MYO16: variants seen among roughly 807,000 people sequenced by gnomAD.
MYO16 encodes the protein unconventional myosin-XVI.
In MYO16, 94 loss-of-function variants were observed where a neutral mutation model predicts 205.3. The ratio of observed to expected loss-of-function variants is 0.46; its 90% CI spans 0.39 to 0.54. MYO16 has a LOEUF of 0.54. Among genes scored for constraint, MYO16 ranks in the 20% least tolerant of loss-of-function variants. The pLI is 0.00. For missense variants in MYO16, 2,315 were observed against 2,387.5 expected, an observed-to-expected ratio of 0.97 and a Z score of 0.63; for synonymous variants, 988 against 954.0, an observed-to-expected ratio of 1.04 and a Z score of -0.66.
intron 3 of MYO16, among the ~76,000 whole-genome samples, chr13:108,726,573 GAA>G (rs1884347615): frequency 2.0e-5 from 1 of 49,710 alleles, no homozygotes; most frequent in Admixed American, 1.9e-4. Flanking sequence ...AAAAAAAAAA[GAA>G]AAAGAAAAAG....
chr13:108,838,392 C>T (rs373940850), intron 9 of MYO16, among the ~76,000 whole-genome samples: 102 of 151,884 alleles, frequency 6.7e-4, no homozygotes, highest in Non-Finnish European at 1.1e-3. Context: ...CGGTGGCTTA[C>T]GCCTGTAATC....
intron 5 of MYO16, among the ~76,000 whole-genome samples, chr13:108,787,058 T>C (rs1190879801): frequency 6.6e-6 from 1 of 152,244 alleles, no homozygotes; most frequent in Non-Finnish European, 1.5e-5. Flanking sequence ...ATGAAAAACT[T>C]GGCGCAATGG....
In MYO16 at chr13:109,125,320, G is replaced by T. The variant is rs755547683; in HGVS notation, c.3744G>T (p.Lys1248Asn). Residue 1248 changes from lysine (K) to asparagine (N), a missense_variant, in exon 30 of 35, where the codon AAG becomes AAT. Physicochemically the swap from Lys to Asn is moderately conservative, Grantham distance 94. Transcript: ENST00000457511. The surrounding 1 kb of genome is among the most constrained non-coding windows in gnomAD (Gnocchi z 4.0). ...TGAACGCTCCCTACCATAAAGAGAA[G>T]TTAGAGGTCAGGAACATGCAAGAGG... is the stretch of plus-strand genomic sequence containing the variant. ...SEMNAPYHKE[K>N]LEVRNMQEEG... 1.5e-5 allele frequency: 25 copies of T among 1,614,042 alleles called. 1 individual carries two copies. In the South Asian group the frequency reaches 2.6e-4, roughly 17 times the overall value.
At chr13:108,593,040 G>T (rs376753490), upstream of MYO16, among the ~76,000 whole-genome samples, 62 of 152,260 alleles carry the variant, frequency 4.1e-4, no homozygotes, top group African/African-American at 1.4e-3. Context: ...GCAGGTGGAA[G>T]CACCTCGCTG....
intron 11 of MYO16, among the ~76,000 whole-genome samples, chr13:108,860,758 C>G (rs1878412719): frequency 6.6e-6 from 1 of 152,172 alleles, no homozygotes; most frequent in Non-Finnish European, 1.5e-5. Flanking sequence ...AAGAGTGAAG[C>G]TAGACCCCTT....
the MYO16 span, among the ~76,000 whole-genome samples, chr13:108,583,744 C>T: frequency 6.6e-6 from 1 of 152,056 alleles, no homozygotes; most frequent in Non-Finnish European, 1.5e-5. Context: ...CTGATTGTGG[C>T]ACAAGGTAGA....
At chr13:108,660,269 C>T (rs1031296648) in intron 1 of MYO16, among the ~76,000 whole-genome samples, 12 of 152,108 alleles carry the variant, frequency 7.9e-5, no homozygotes, top group Non-Finnish European at 4.4e-5. Flanking sequence ...ATCTGTTGAC[C>T]AGTCTTTAGC....
chr13:109,030,895 A>G (rs1015784708), intron 23 of MYO16, among the ~76,000 whole-genome samples: 1 of 152,132 alleles, frequency 6.6e-6, no homozygotes, highest in African/African-American at 2.4e-5. Flanking sequence ...TGGCAAAACC[A>G]GACACCCAAT....
intron 1 of MYO16, among the ~76,000 whole-genome samples, chr13:108,606,134 G>T (rs1878949186): frequency 6.6e-6 from 1 of 152,192 alleles, no homozygotes; most frequent in South Asian, 2.1e-4. Context: ...GTTTAAAAGG[G>T]AAGCAGAGCA....
At position 108,883,094 on chromosome 13, in the gene MYO16, G is replaced by A. The variant is rs1348405337; in HGVS notation, c.1461G>A (p.Leu487=). Residue 487 remains leucine (L), a synonymous_variant, in exon 13 of 35, where the codon CTG becomes CTA. Coordinates refer to ENST00000457511, the MANE Select transcript of MYO16 (RefSeq NM_001198950.3). ...SQLYFSSSGK[L]CSSLPPHLFS... The stretch of plus-strand genomic sequence containing the variant: ...TGTATTTCAGCTCCTCAGGGAAGCT[G>A]TGTTCCTCGCTGCCTCCTCACCTCT... 3.1e-6 allele frequency: 5 copies of A among 1,613,998 alleles called. No homozygotes were observed. The African/African-American group carries it at 6.7e-5, about 22-fold the overall frequency.
intron 34 of MYO16, among the ~76,000 whole-genome samples, chr13:109,199,519 A>C (rs1880321990): frequency 6.6e-6 from 1 of 152,174 alleles, no homozygotes; most frequent in South Asian, 2.1e-4. Context: ...TAAGTGACTC[A>C]TTATCTGAAG....
chr13:108,735,161 C>T (rs1478255759), intron 4 of MYO16, among the ~76,000 whole-genome samples: 3 of 151,862 alleles, frequency 2.0e-5, no homozygotes, highest in Non-Finnish European at 4.4e-5. Context: ...TGTGCACAAC[C>T]TGCAGGTTTG....
At chr13:109,029,138 G>T (rs277824) in intron 23 of MYO16, among the ~76,000 whole-genome samples, 2,044 of 86,252 alleles carry the variant, frequency 0.024, 61 homozygotes, top group African/African-American at 0.079. Context: ...TTTTGAGATG[G>T]AGTTTTGCTC....
intron 15 of MYO16, among the ~76,000 whole-genome samples, chr13:108,903,772 A>G (rs796733924): frequency 6.6e-6 from 1 of 152,178 alleles, no homozygotes; most frequent in African/African-American, 2.4e-5. Context: ...TAACTACTTA[A>G]CATACATTTT....
At chr13:108,550,121 G>A in the MYO16 span, among the ~76,000 whole-genome samples, 4 of 152,252 alleles carry the variant, frequency 2.6e-5, no homozygotes, top group African/African-American at 9.6e-5. Flanking sequence ...TGAAGCATCT[G>A]AGCAATGCAG....
chr13:109,127,565 G>A lies in MYO16; in HGVS notation c.4051+15G>A. 1 of 1,605,104 alleles carries A rather than the reference G, an allele frequency of 6.2e-7. No individual in the cohort carries two copies. Among genetic ancestry groups the A allele is most frequent in the Non-Finnish European group, 8.5e-7 (1 of 1,179,036 alleles). On this transcript the variant is annotated intron_variant, in intron 31 of 34. Transcript: ENST00000457511. The surrounding 1 kb of genome is among the most constrained non-coding windows in gnomAD (Gnocchi z 4.2). ...GGCCAACGAAGGTCAGCCCTGGGGA[G>A]GGACCCAGCCTCGTGTTCCGGGCTC...
intron 16 of MYO16, among the ~76,000 whole-genome samples, chr13:108,918,018 T>G (rs1214807615): frequency 6.6e-6 from 1 of 152,236 alleles, no homozygotes; most frequent in African/African-American, 2.4e-5. Context: ...GGGGCAGAGT[T>G]GATGTTTGAA....
At chr13:108,828,786 CTG>C (rs746016118) in intron 9 of MYO16, among the ~76,000 whole-genome samples, 1 of 152,132 alleles carries the variant, frequency 6.6e-6, no homozygotes, top group Non-Finnish European at 1.5e-5. Flanking sequence ...CCAATAAAAA[CTG>C]TGGACATTGA....
At position 108,844,325 on chromosome 13, in the gene MYO16, T is replaced by C. The variant is rs939729946; in HGVS notation, c.1098-18T>C. 1 of 1,599,390 alleles carries C rather than the reference T, an allele frequency of 6.3e-7. No individual in the cohort carries two copies. ...ATTAGAAAGAGACTAATTGTAGTATTGATTTTTTTTCCTGTAGCAGTCCCC... is the reference window on the plus strand; with the variant it reads ...ATTAGAAAGAGACTAATTGTAGTATCGATTTTTTTTCCTGTAGCAGTCCCC... On this transcript the variant is annotated intron_variant, in intron 9 of 34. Coordinates refer to ENST00000457511, the MANE Select transcript of MYO16 (RefSeq NM_001198950.3).
Sources: gnomAD v4.1 joint callset for allele counts (sites outside exome capture counted in the v4.1 genomes callset) on GRCh38, gnomAD v4.1.1 for gene constraint, Gnocchi (gnomAD v3.1) non-coding constraint, MANE v1.5 for transcripts, NCBI Gene and HGNC (gene_info 2026-07-23, HGNC 2026-07-21) for gene names.